The following SMYD3 variants were observed in gnomAD, a reference collection of about 807,000 sequenced individuals.
SMYD3 encodes the protein SET and MYND domain containing 3.
SMYD3 carries 36 observed loss-of-function variants against 57.7 expected under a neutral mutation model. That is an observed-to-expected ratio of 0.62 (90% CI 0.48 to 0.82). The LOEUF is 0.82. SMYD3 is among the 40% of genes least tolerant of loss of function. The probability of loss-of-function intolerance (pLI) is 0.00; values close to 1 mark genes in which losing one functional copy is unlikely to be tolerated. For missense variants in SMYD3, 515 were observed against 538.8 expected (o/e 0.96, Z 0.44); for synonymous variants, 211 against 195.0 (o/e 1.08, Z -0.68).
At chr1:246,410,768 T>A (rs2066953024) in intron 1 of SMYD3, among the ~76,000 whole-genome samples, 1 of 152,188 alleles carries the variant, frequency 6.6e-6, no homozygotes, top group Non-Finnish European at 1.5e-5. Flanking sequence ...CTTGTACCTC[T>A]GGTAGAATTC....
At chr1:246,210,178 CT>C (rs2063064289) in intron 5 of SMYD3, among the ~76,000 whole-genome samples, 1 of 152,164 alleles carries the variant, frequency 6.6e-6, no homozygotes, top group African/African-American at 2.4e-5. Context: ...TTTTAATGAT[CT>C]GCCCAGGATA....
rs550965131 is a variant in SMYD3 at position 246,355,636 on chromosome 1, G to C, written c.165-542C>G. Among the ~76,000 whole-genome samples the C allele has an allele frequency of 6.6e-6, 1 of 152,114 alleles. No homozygotes were observed. The highest frequency in any genetic ancestry group is 2.4e-5 in the African/African-American group (1 of 41,420). On this transcript the variant is annotated intron_variant, in intron 1 of 11. Coordinates refer to ENST00000490107, the MANE Select transcript of SMYD3 (RefSeq NM_001167740.2). This position sits in a 1 kb window ranked among gnomAD's most constrained non-coding sequence, Gnocchi z 5.0. ...GAGTGAGACCAGCCTTTAGGACTGCGGGCTGTGTGGGAGTGGGATGAGGCC... is the reference window on the plus strand; with the variant it reads ...GAGTGAGACCAGCCTTTAGGACTGCCGGCTGTGTGGGAGTGGGATGAGGCC...
At chr1:246,051,484 A>G (rs2060066535) in intron 5 of SMYD3, among the ~76,000 whole-genome samples, 1 of 152,154 alleles carries the variant, frequency 6.6e-6, no homozygotes, top group African/African-American at 2.4e-5. Context: ...CCTCATATCT[A>G]AAACAGAGTA....
At chr1:245,948,220 G>T (rs1254254003) in intron 5 of SMYD3, among the ~76,000 whole-genome samples, 5 of 152,146 alleles carry the variant, frequency 3.3e-5, no homozygotes, top group Admixed American at 3.3e-4. Context: ...CCACAAAGAA[G>T]AATCGAAACA....
At chr1:246,395,609 C>T (rs951624824) in intron 1 of SMYD3, among the ~76,000 whole-genome samples, 2 of 33,740 alleles carry the variant, frequency 5.9e-5, no homozygotes, top group Non-Finnish European at 1.4e-4. Context: ...GAAGAGGAAC[C>T]CACCATGGCT....
chr1:245,976,395 GTCTCTA>G (rs2058426194), intron 5 of SMYD3, among the ~76,000 whole-genome samples: 2 of 9,358 alleles, frequency 2.1e-4, no homozygotes, highest in African/African-American at 4.5e-4. Context: ...GAAAGCCATC[GTCTCTA>G]GCCCAGGGAA....
intron 5 of SMYD3, among the ~76,000 whole-genome samples, chr1:245,958,875 A>G (rs1181747450): frequency 6.6e-6 from 1 of 152,164 alleles, no homozygotes; most frequent in African/African-American, 2.4e-5. Context: ...AGGCTAGATA[A>G]TAACTTTCAG....
intron 1 of SMYD3, among the ~76,000 whole-genome samples, chr1:246,501,077 C>T (rs929597778): frequency 2.0e-5 from 3 of 152,338 alleles, no homozygotes; most frequent in East Asian, 1.9e-4. Flanking sequence ...CAAGGTTCTG[C>T]TCTTTGAAAT....
At chr1:246,390,935 G>A (rs902966640) in intron 1 of SMYD3, among the ~76,000 whole-genome samples, 1 of 152,094 alleles carries the variant, frequency 6.6e-6, no homozygotes, top group Non-Finnish European at 1.5e-5. Context: ...TAACGCAAAT[G>A]TAATAGAAGA....
Position 245,939,792 on chromosome 1 carries a change from G to A in SMYD3, c.532-9855C>T, listed in dbSNP as rs141121997. On this transcript the variant is annotated intron_variant, in intron 5 of 11. Transcript: ENST00000490107. Reference sequence around the variant, plus strand: ...CTTCACACCTTCATGTCTCTGCCAGGTGGAACAGTCCCACTGCTTAGAATG... The same window carrying A: ...CTTCACACCTTCATGTCTCTGCCAGATGGAACAGTCCCACTGCTTAGAATG... 3.7e-3 allele frequency among the ~76,000 whole-genome samples: 567 copies of A among 152,240 alleles called. 2 individuals are homozygous for A. Among genetic ancestry groups the A allele is most frequent in the Middle Eastern group, 0.024 (7 of 294 alleles).
intron 1 of SMYD3, 51 bp downstream of exon 1, chr1:246,507,003 A>ACCACCCCC: frequency 1.4e-6 from 1 of 691,580 alleles, no homozygotes; most frequent in Non-Finnish European, 2.0e-6. Flanking sequence ...CCCCCTCCCC[A>ACCACCCCC]GCACCCCACA....
At chr1:246,216,620 C>A (rs2148408924) in intron 5 of SMYD3, among the ~76,000 whole-genome samples, 1 of 151,986 alleles carries the variant, frequency 6.6e-6, no homozygotes, top group East Asian at 1.9e-4. Flanking sequence ...TGCTAAATTT[C>A]TGGTTGTATT....
At chr1:246,425,480 G>A (rs2067204943) in intron 1 of SMYD3, among the ~76,000 whole-genome samples, 1 of 152,198 alleles carries the variant, frequency 6.6e-6, no homozygotes, top group South Asian at 2.1e-4. Flanking sequence ...GCTTTCTACA[G>A]TAAGCCACAG....
chr1:246,306,166 C>G (rs2064974722), intron 5 of SMYD3, among the ~76,000 whole-genome samples: 1 of 152,150 alleles, frequency 6.6e-6, no homozygotes, highest in African/African-American at 2.4e-5. Context: ...TGACGAAATC[C>G]TATCTCTACT....
At chr1:246,348,596 T>A (rs1312160991) in intron 2 of SMYD3, among the ~76,000 whole-genome samples, 1 of 151,608 alleles carries the variant, frequency 6.6e-6, no homozygotes, top group Non-Finnish European at 1.5e-5. Flanking sequence ...TTGGAGAATA[T>A]AAGGAAGGGG....
chr1:245,821,031 A>C (rs2049127106), intron 10 of SMYD3, among the ~76,000 whole-genome samples: 1 of 151,036 alleles, frequency 6.6e-6, no homozygotes, highest in South Asian at 2.2e-4. Context: ...TCTTCACAGA[A>C]TTGGAAAAAA....
chr1:245,944,083 A>G (rs888825990), intron 5 of SMYD3, among the ~76,000 whole-genome samples: 1 of 152,202 alleles, frequency 6.6e-6, no homozygotes, highest in Non-Finnish European at 1.5e-5. Context: ...CTGGCACAAG[A>G]CAAGGATGCC....
At chr1:246,393,394 AGAAG>A (rs2066603773) in intron 1 of SMYD3, among the ~76,000 whole-genome samples, 1 of 152,216 alleles carries the variant, frequency 6.6e-6, no homozygotes, top group African/African-American at 2.4e-5. Flanking sequence ...AATCACTAAG[AGAAG>A]CATCACAATT....
At chr1:246,019,852 GCTTT>G (rs2059440135) in intron 5 of SMYD3, among the ~76,000 whole-genome samples, 2 of 152,224 alleles carry the variant, frequency 1.3e-5, no homozygotes, top group Non-Finnish European at 2.9e-5. Flanking sequence ...TAAAATTGTT[GCTTT>G]CTTGGAACTC....
Sources: allele counts gnomAD v4.1 joint callset (sites outside exome capture counted in the v4.1 genomes callset), GRCh38; gene constraint gnomAD v4.1.1; non-coding constraint Gnocchi (gnomAD v3.1); transcripts MANE v1.5; gene names NCBI Gene and HGNC (gene_info 2026-07-23, HGNC 2026-07-21).